Variants in DOCK4 observed in about 807,000 individuals in gnomAD.
The protein encoded by DOCK4 is dedicator of cytokinesis protein 4.
A neutral mutation model predicts 268.1 loss-of-function variants in DOCK4; 97 were observed. That is an observed-to-expected ratio of 0.36 (90% CI 0.31 to 0.43). The LOEUF is 0.43. DOCK4 is among the 20% of genes least tolerant of loss of function. DOCK4 has a pLI of 1.00. For missense variants in DOCK4, 2,145 were observed against 2,455.7 expected, an observed-to-expected ratio of 0.87 and a Z score of 2.67; for synonymous variants, 954 against 887.2, an observed-to-expected ratio of 1.08 and a Z score of -1.34.
chr7:112,076,371 G>A (rs1808068405), intron 1 of DOCK4, among the ~76,000 whole-genome samples: 1 of 152,020 alleles, frequency 6.6e-6, no homozygotes, highest in Admixed American at 6.6e-5. Context: ...AAGACAAACT[G>A]AATTTGGCAA....
In DOCK4 at chr7:111,847,052, T is replaced by A; in HGVS notation, c.2548A>T (p.Met850Leu). ...ACGTTGCTAAGGATACGTGCACACA[T>A]GATCAGGTCCTTCTGTTCTTGCAAG... ...IHLQEQKDLIMCARILSNVFC... is the reference protein window; with the variant it reads ...IHLQEQKDLILCARILSNVFC... Residue 850 changes from methionine to leucine, a missense_variant, in exon 24 of 53, where the codon ATG becomes TTG. Transcript: ENST00000428084. 1.2e-6 allele frequency: 2 copies of A among 1,613,902 alleles called. No homozygotes were observed. The highest frequency in any genetic ancestry group is 1.7e-6 in the Non-Finnish European group (2 of 1,179,790).
chr7:112,035,366 A>G (rs941225011), intron 1 of DOCK4, among the ~76,000 whole-genome samples: 1 of 151,640 alleles, frequency 6.6e-6, no homozygotes, highest in East Asian at 1.9e-4. Context: ...CTAAGACTGT[A>G]AGAAATATAA....
intron 1 of DOCK4, among the ~76,000 whole-genome samples, chr7:112,126,833 A>G (rs111461325): frequency 0.034 from 5,201 of 152,298 alleles, 299 homozygotes; most frequent in African/African-American, 0.12. Context: ...TGGCCATCAG[A>G]GAAATGCAAA....
chr7:111,782,504 A>C (rs1798844311), intron 35 of DOCK4, among the ~76,000 whole-genome samples: 1 of 152,208 alleles, frequency 6.6e-6, no homozygotes, highest in Admixed American at 6.5e-5. Context: ...TGCTACACAA[A>C]GTAGAAAGAC....
chr7:111,850,903 G>T (rs1469742197), intron 23 of DOCK4, among the ~76,000 whole-genome samples: 2 of 152,140 alleles, frequency 1.3e-5, no homozygotes, highest in African/African-American at 2.4e-5. Flanking sequence ...CCTGTTTGGT[G>T]GTCTCTTCAC....
Position 111,901,724 on chromosome 7 carries a change from C to T in DOCK4, c.1270G>A (p.Val424Met). 1 of 1,613,494 alleles carries T rather than the reference C, an allele frequency of 6.2e-7. No individual in the cohort carries two copies. Among genetic ancestry groups the T allele is most frequent in the Non-Finnish European group, 8.5e-7 (1 of 1,179,636 alleles). The change falls in exon 14 of 53, where the codon GTG (valine) becomes ATG (methionine). Residue 424 changes from valine to methionine, a missense_variant. Transcript: ENST00000428084. ...TCTACAATGAACATCGTAACTTCCACATTTCTGGCCACGCTCTTCCCTCCT... is the reference window on the plus strand; with the variant it reads ...TCTACAATGAACATCGTAACTTCCATATTTCTGGCCACGCTCTTCCCTCCT... Reference protein sequence around the residue: ...EKGGKSVARNVEVTMFIVDSS... With the variant: ...EKGGKSVARNMEVTMFIVDSS...
chr7:112,009,328 T>C (rs1000423622), intron 1 of DOCK4, among the ~76,000 whole-genome samples: 1 of 152,244 alleles, frequency 6.6e-6, no homozygotes, highest in Non-Finnish European at 1.5e-5. Context: ...AGGTCACTTA[T>C]GAGTCAACTG....
intron 8 of DOCK4, among the ~76,000 whole-genome samples, chr7:111,949,292 C>T (rs1257278577): frequency 6.6e-6 from 1 of 152,152 alleles, no homozygotes; most frequent in African/African-American, 2.4e-5. Context: ...AGGGCATTTT[C>T]AATATTAAAA....
rs139501680 is a variant in DOCK4, at chr7:112,003,118, T to C, written c.121+930A>G. 4.0e-3 allele frequency among the ~76,000 whole-genome samples: 603 copies of C among 151,694 alleles called. 5 individuals are homozygous for C. Among genetic ancestry groups the C allele is most frequent in the African/African-American group, 0.013 (557 of 41,352 alleles). On this transcript the variant is annotated intron_variant, in intron 2 of 52. Coordinates refer to ENST00000428084, the MANE Select transcript of DOCK4 (RefSeq NM_001363540.2). ...AAGGAAAGCTGGGTGCAGTGGCTTA[T>C]GCCTGTAATCTGAGCACTCTGGAAG...
At chr7:111,757,259 C>T (rs914469674) in intron 41 of DOCK4, among the ~76,000 whole-genome samples, 9 of 151,934 alleles carry the variant, frequency 5.9e-5, no homozygotes, top group Non-Finnish European at 1.3e-4. Context: ...GAGATTGCTG[C>T]GCCACTGATA....
chr7:112,073,601 C>T (rs1382793999), intron 1 of DOCK4, among the ~76,000 whole-genome samples: 1 of 152,066 alleles, frequency 6.6e-6, no homozygotes, highest in East Asian at 1.9e-4. Flanking sequence ...CTGTAATTCA[C>T]AGCAACATGG....
intron 32 of DOCK4, among the ~76,000 whole-genome samples, chr7:111,786,467 T>C (rs930130192): frequency 3.3e-5 from 5 of 152,192 alleles, no homozygotes; most frequent in Admixed American, 6.5e-5. Context: ...TCAAAATGAA[T>C]ACATCTTTAT....
At chr7:112,091,160 CTT>C (rs1238369413) in intron 1 of DOCK4, among the ~76,000 whole-genome samples, 1 of 152,172 alleles carries the variant, frequency 6.6e-6, no homozygotes, top group East Asian at 1.9e-4. Flanking sequence ...ACTCACATTG[CTT>C]CACAGACTTA....
intron 23 of DOCK4, 59 bp from the exon 24 acceptor site, chr7:111,847,185 CA>C (rs1804175377): frequency 6.3e-7 from 1 of 1,586,440 alleles, no homozygotes; most frequent in East Asian, 2.2e-5. Context: ...ATACCTAGGG[CA>C]AATCCTTATC....
intron 26 of DOCK4, among the ~76,000 whole-genome samples, chr7:111,829,909 T>C (rs952687453): frequency 6.6e-6 from 1 of 152,184 alleles, no homozygotes; most frequent in African/African-American, 2.4e-5. Context: ...GGAGTGAATA[T>C]TTTGTATCAC....
chr7:112,182,868 G>A (rs1051820666), intron 1 of DOCK4, among the ~76,000 whole-genome samples: 8 of 152,198 alleles, frequency 5.3e-5, no homozygotes, highest in African/African-American at 1.9e-4. Flanking sequence ...CAACAGGGTG[G>A]CCACAGGACT....
intron 1 of DOCK4, among the ~76,000 whole-genome samples, chr7:112,121,231 C>T (rs537850374): frequency 1.3e-5 from 2 of 152,300 alleles, no homozygotes; most frequent in East Asian, 1.9e-4. Context: ...GCCCCCTTCC[C>T]GTCTCATGGT....
At chr7:112,052,273 T>C (rs571440752) in intron 1 of DOCK4, among the ~76,000 whole-genome samples, 11 of 152,316 alleles carry the variant, frequency 7.2e-5, no homozygotes, top group Middle Eastern at 3.4e-3. Context: ...ATGTTGACTG[T>C]ATGTGTGTGT....
chr7:112,018,442 A>C (rs1320857085), intron 1 of DOCK4, among the ~76,000 whole-genome samples: 1 of 152,196 alleles, frequency 6.6e-6, no homozygotes, highest in Admixed American at 6.5e-5. Flanking sequence ...ATTATAAATG[A>C]ACTTTTAAAT....
Sources: allele counts gnomAD v4.1 joint callset (sites outside exome capture counted in the v4.1 genomes callset), GRCh38; gene constraint gnomAD v4.1.1; transcripts MANE v1.5; gene names NCBI Gene and HGNC (gene_info 2026-07-23, HGNC 2026-07-21).